Variants in IRAG1 observed in about 807,000 individuals in gnomAD.
IRAG1 encodes the protein IP3R-associated cGMP kinase substrate.
Under a neutral mutation model 106.2 loss-of-function variants are expected in IRAG1, and 62 were observed. The ratio of observed to expected loss-of-function variants is 0.58; its 90% CI spans 0.48 to 0.72. The LOEUF (loss-of-function observed/expected upper bound fraction) is 0.72, where lower values mean the gene tolerates loss of function less well. Ranked by LOEUF, IRAG1 falls within the 30% of genes least tolerant of loss-of-function variation. The pLI is 0.00. For missense variants in IRAG1, 1,064 were observed against 1,140.7 expected (o/e 0.93, Z 0.97); for synonymous variants, 462 against 443.9 (o/e 1.04, Z -0.51).
chr11:10,664,133 A>G (rs1405293061), intron 1 of IRAG1, among the ~76,000 whole-genome samples: 1 of 152,172 alleles, frequency 6.6e-6, no homozygotes, highest in African/African-American at 2.4e-5. Flanking sequence ...GCCAACAAGA[A>G]CAACAGCAGC....
At chr11:10,640,929 AT>A (rs1372727321) in intron 2 of IRAG1, among the ~76,000 whole-genome samples, 1 of 152,240 alleles carries the variant, frequency 6.6e-6, no homozygotes, top group Non-Finnish European at 1.5e-5. Flanking sequence ...ACAAGTTGAT[AT>A]AGAAATAGGA....
At chr11:10,637,288 C>T (rs1857215390) in intron 2 of IRAG1, among the ~76,000 whole-genome samples, 1 of 152,180 alleles carries the variant, frequency 6.6e-6, no homozygotes, top group South Asian at 2.1e-4. Flanking sequence ...AAGAAGTCAG[C>T]ACGTGCTTGT....
chr11:10,576,199 G>A lies in IRAG1; in HGVS notation c.*133C>T. ...AATAGCTCCCACAGAAGTGCCGAGT[G>A]TTAAAAGAACCCTTCCTCATGACCT... On this transcript the variant is annotated 3_prime_UTR_variant, in exon 21 of 21. Transcript: ENST00000423302. 1.7e-6 allele frequency: 2 copies of A among 1,203,056 alleles called. No individual in the cohort carries two copies. The highest frequency in any genetic ancestry group is 1.5e-5 in the South Asian group (1 of 67,338). The allele number at this position is 1,203,056 out of a possible 1,614,324, so 74.5% of individuals were successfully genotyped here.
At chr11:10,608,652 T>C (rs1854680663) in intron 11 of IRAG1, among the ~76,000 whole-genome samples, 1 of 152,328 alleles carries the variant, frequency 6.6e-6, no homozygotes, top group South Asian at 2.1e-4. Context: ...TCTGAAGAAA[T>C]GTCTATTTAA....
chr11:10,680,289 A>G (rs1861051416), intron 1 of IRAG1, among the ~76,000 whole-genome samples: 2 of 119,274 alleles, frequency 1.7e-5, no homozygotes, highest in Admixed American at 9.0e-5. Context: ...AAAGAAAAAG[A>G]GAGAGAGAGA....
chr11:10,651,983 G>C, intron 2 of IRAG1, 42 bp downstream of exon 2: 1 of 1,518,802 alleles, frequency 6.6e-7, no homozygotes, highest in Non-Finnish European at 8.8e-7. Context: ...GCTTGGCTTG[G>C]CCCCCAGCCA....
intron 4 of IRAG1, among the ~76,000 whole-genome samples, chr11:10,631,578 T>C (rs1856692241): frequency 6.6e-6 from 1 of 152,168 alleles, no homozygotes; most frequent in Non-Finnish European, 1.5e-5. Context: ...CTATATGAGA[T>C]CTATGTTCCA....
intron 18 of IRAG1, among the ~76,000 whole-genome samples, 156 bp from the exon 19 acceptor site, chr11:10,582,142 A>T (rs1053344288): frequency 6.6e-6 from 1 of 152,216 alleles, no homozygotes; most frequent in African/African-American, 2.4e-5. Context: ...ACCCTGAGAC[A>T]AGATTTTATA....
chr11:10,666,544 T>A (rs531053584), intron 1 of IRAG1, among the ~76,000 whole-genome samples: 2 of 152,184 alleles, frequency 1.3e-5, no homozygotes, highest in Non-Finnish European at 2.9e-5. Flanking sequence ...CTTCACCAGT[T>A]TGTCATCGTG....
intron 1 of IRAG1, among the ~76,000 whole-genome samples, chr11:10,691,646 T>C (rs1862064578): frequency 6.6e-6 from 1 of 152,086 alleles, no homozygotes; most frequent in Non-Finnish European, 1.5e-5. Context: ...TCATTTAACA[T>C]CCCCTAGCCC....
intron 10 of IRAG1, 118 bp downstream of exon 10, chr11:10,623,660 C>G: frequency 2.1e-6 from 2 of 950,892 alleles, no homozygotes; most frequent in Non-Finnish European, 3.2e-6. Flanking sequence ...CATTCATTCA[C>G]CAGCAAATGT....
chr11:10,633,911 G>T, intron 3 of IRAG1, 57 bp downstream of exon 3: 2 of 987,598 alleles, frequency 2.0e-6, no homozygotes, highest in East Asian at 2.7e-5. Context: ...ATAGCTGTCT[G>T]ATCCTCATGT....
At chr11:10,588,700 C>A (rs1852307651) in intron 18 of IRAG1, among the ~76,000 whole-genome samples, 1 of 152,254 alleles carries the variant, frequency 6.6e-6, no homozygotes, top group South Asian at 2.1e-4. Context: ...CCAGTTCCCC[C>A]AACCTTACAC....
At chr11:10,585,446 G>A (rs1851856024) in intron 18 of IRAG1, among the ~76,000 whole-genome samples, 1 of 151,436 alleles carries the variant, frequency 6.6e-6, no homozygotes, top group South Asian at 2.1e-4. Context: ...CTGTTTGACA[G>A]ATGAGGAAAC....
chr11:10,604,370 C>G, intron 13 of IRAG1, 35 bp downstream of exon 13: 1 of 1,613,192 alleles, frequency 6.2e-7, no homozygotes, highest in African/African-American at 1.3e-5. Flanking sequence ...ACAGTCTCTG[C>G]TCCAGGGATT....
rs772301901 is a variant in IRAG1 at position 10,647,401 on chromosome 11, C to G, written c.225+4624G>C. Among the ~76,000 whole-genome samples the G allele has an allele frequency of 6.6e-6, 1 of 152,216 alleles. No individual in the cohort carries two copies. Among genetic ancestry groups the G allele is most frequent in the Non-Finnish European group, 1.5e-5 (1 of 68,044 alleles). The stretch of plus-strand genomic sequence containing the variant: ...ATGAGTTAATATGGTAGACGAGTAT[C>G]TGGCACAGGGTTAGCTATTATTATT... On this transcript the variant is annotated intron_variant, in intron 2 of 20. Transcript: ENST00000423302. This position sits in a 1 kb window ranked among gnomAD's most constrained non-coding sequence, Gnocchi z 4.3.
At chr11:10,621,370 C>T (rs928660520) in intron 10 of IRAG1, among the ~76,000 whole-genome samples, 3 of 152,148 alleles carry the variant, frequency 2.0e-5, no homozygotes, top group Non-Finnish European at 2.9e-5. Context: ...CCATAGGGCT[C>T]TTATGCTGAG....
At chr11:10,633,282 A>C (rs192286151) in intron 3 of IRAG1, among the ~76,000 whole-genome samples, 1 of 152,084 alleles carries the variant, frequency 6.6e-6, no homozygotes, top group Non-Finnish European at 1.5e-5. Flanking sequence ...TCACTGTGTT[A>C]GCCAGGATGG....
Position 10,629,608 on chromosome 11 carries a change from C to T in IRAG1, c.504G>A (p.Lys168=). 1 of 1,614,040 alleles carries T rather than the reference C, an allele frequency of 6.2e-7. No individual in the cohort carries two copies. Among genetic ancestry groups the T allele is most frequent in the Non-Finnish European group, 8.5e-7 (1 of 1,179,888 alleles). The part of the protein sequence containing the change: ...KKNLALLEEA[K]LVSERFLTRR... ...GGGTCAGGAATCGCTCACTCACCAA[C>T]TTGGCTTCTTCCAGCAGCGCCAGGT... is the stretch of plus-strand genomic sequence containing the variant. The change falls in exon 5 of 21, where the codon AAG becomes AAA. Residue 168 remains lysine (K), a synonymous_variant. Transcript: ENST00000423302.
Sources: allele counts gnomAD v4.1 joint callset (sites outside exome capture counted in the v4.1 genomes callset), GRCh38; gene constraint gnomAD v4.1.1; non-coding constraint Gnocchi (gnomAD v3.1); transcripts MANE v1.5; gene names NCBI Gene and HGNC (gene_info 2026-07-23, HGNC 2026-07-21).